The following RBFOX1 variants were observed in gnomAD, a reference collection of about 807,000 sequenced individuals.
The protein encoded by RBFOX1 is RNA binding fox-1 homolog 1.
In RBFOX1, 8 loss-of-function variants were observed where a neutral mutation model predicts 57.7. The observed-to-expected ratio is 0.14, with a 90% CI of 0.08 to 0.25. RBFOX1 has a LOEUF of 0.25. Ranked by LOEUF, RBFOX1 falls within the 10% of genes least tolerant of loss-of-function variation. RBFOX1 has a pLI of 1.00. For missense variants in RBFOX1, 611 were observed against 548.5 expected, an observed-to-expected ratio of 1.11 and a Z score of -1.14; for synonymous variants, 326 against 222.4, an observed-to-expected ratio of 1.47 and a Z score of -4.15.
downstream of RBFOX1, among the ~76,000 whole-genome samples, chr16:5,603,064 G>A (rs963167036): frequency 1.3e-5 from 2 of 152,122 alleles, no homozygotes; most frequent in Non-Finnish European, 2.9e-5. Flanking sequence ...CCAGGCCATG[G>A]CATCTCACCG....
intron 1 of RBFOX1, among the ~76,000 whole-genome samples, chr16:6,105,068 C>T (rs1000928200): frequency 2.0e-4 from 31 of 152,138 alleles, no homozygotes; most frequent in African/African-American, 7.2e-4. Flanking sequence ...GGAAGAAATT[C>T]AGAAGCCAAG....
At chr16:7,379,488 C>T (rs1222399048) in intron 4 of RBFOX1, among the ~76,000 whole-genome samples, 2 of 152,198 alleles carry the variant, frequency 1.3e-5, no homozygotes, top group African/African-American at 2.4e-5. Flanking sequence ...GCCATTATGA[C>T]TGTGGATAAT....
intron 2 of RBFOX1, among the ~76,000 whole-genome samples, chr16:6,513,573 A>C (rs1271470436): frequency 2.6e-5 from 4 of 152,156 alleles, no homozygotes; most frequent in South Asian, 2.1e-4. Flanking sequence ...GTCTCTACTA[A>C]AAATACAAAA....
chr16:6,223,741 A>T (rs2097394955), intron 1 of RBFOX1, among the ~76,000 whole-genome samples: 1 of 152,080 alleles, frequency 6.6e-6, no homozygotes, highest in Non-Finnish European at 1.5e-5. Context: ...TTTTGTTGCC[A>T]TTGCTTTTGG....
At chr16:7,482,361 G>T (rs12448638) in intron 4 of RBFOX1, among the ~76,000 whole-genome samples, 6 of 151,788 alleles carry the variant, frequency 4.0e-5, no homozygotes, top group Admixed American at 1.3e-4. Context: ...GCTCAAAGAG[G>T]CTTGTTCAGT....
At chr16:6,508,494 C>A (rs188103665) in intron 2 of RBFOX1, among the ~76,000 whole-genome samples, 156 of 152,214 alleles carry the variant, frequency 1.0e-3, no homozygotes, top group African/African-American at 3.6e-3. Flanking sequence ...CATAATTCAG[C>A]TAATCCCTTA....
At chr16:7,626,451 G>A (rs1049563698) in intron 10 of RBFOX1, among the ~76,000 whole-genome samples, 2 of 152,176 alleles carry the variant, frequency 1.3e-5, no homozygotes, top group Non-Finnish European at 2.9e-5. Context: ...GCCAGGTTGT[G>A]GGGATGCCGA....
In RBFOX1 at chr16:6,496,994, A is replaced by G. The variant is rs148581024; in HGVS notation, c.-63-157609A>G. On this transcript the variant is annotated intron_variant, in intron 2 of 15. Coordinates refer to ENST00000550418, the MANE Select transcript of RBFOX1 (RefSeq NM_018723.4). ...AAGACAAAAAGAAAATGCACTAAGT[A>G]TAGTATCTGCCAAGTACTACGAGAG... 4.9e-3 allele frequency among the ~76,000 whole-genome samples: 740 copies of G among 152,160 alleles called. 23 individuals carry two copies. The East Asian group carries it at 0.095, about 20-fold the overall frequency.
intron 2 of RBFOX1, among the ~76,000 whole-genome samples, chr16:5,519,277 C>T (rs1190682459): frequency 1.3e-5 from 2 of 152,166 alleles, no homozygotes; most frequent in African/African-American, 4.8e-5. Flanking sequence ...TATCTGGGCT[C>T]CCATGCTAGC....
chr16:5,525,857 A>G (rs1270940656), intron 2 of RBFOX1, among the ~76,000 whole-genome samples: 2 of 152,054 alleles, frequency 1.3e-5, no homozygotes, highest in Non-Finnish European at 2.9e-5. Flanking sequence ...TGCTGCATGC[A>G]CCAAGTGGCA....
chr16:7,634,001 G>GCA (rs371332989), intron 11 of RBFOX1, among the ~76,000 whole-genome samples: 117 of 151,948 alleles, frequency 7.7e-4, no homozygotes, highest in South Asian at 4.2e-3. Flanking sequence ...AGGCCTGTGC[G>GCA]CACACACACA....
At chr16:7,225,905 A>AATAAATAAATATAT (rs66510060) in intron 4 of RBFOX1, among the ~76,000 whole-genome samples, 8 of 93,744 alleles carry the variant, frequency 8.5e-5, no homozygotes, top group South Asian at 6.5e-4. Context: ...AAGTATAATA[A>AATAAATAAATATAT]ATATATATAT....
At chr16:6,748,381 GT>G (rs1396952280) in intron 3 of RBFOX1, among the ~76,000 whole-genome samples, 2 of 152,024 alleles carry the variant, frequency 1.3e-5, no homozygotes, top group Non-Finnish European at 2.9e-5. Context: ...ATTATTTGGG[GT>G]GGGCACTGTG....
At chr16:7,228,889 C>G (rs1388950415) in intron 4 of RBFOX1, among the ~76,000 whole-genome samples, 1 of 152,090 alleles carries the variant, frequency 6.6e-6, no homozygotes, top group Non-Finnish European at 1.5e-5. Context: ...TTCACGTTAT[C>G]TGTTGCATTT....
At chr16:6,031,864 G>A (rs138254649) in intron 1 of RBFOX1, among the ~76,000 whole-genome samples, 29 of 152,234 alleles carry the variant, frequency 1.9e-4, no homozygotes, top group Admixed American at 1.9e-3. Flanking sequence ...CATTCAGTGA[G>A]TGACAGCATC....
intron 3 of RBFOX1, among the ~76,000 whole-genome samples, chr16:6,968,670 C>T (rs904137239): frequency 1.3e-5 from 2 of 152,114 alleles, no homozygotes; most frequent in Admixed American, 1.3e-4. Context: ...AGGAAGCCCA[C>T]AAGGTGCTGG....
intron 3 of RBFOX1, among the ~76,000 whole-genome samples, chr16:6,963,583 A>G (rs1357572841): frequency 2.6e-5 from 4 of 152,156 alleles, no homozygotes; most frequent in African/African-American, 7.2e-5. Flanking sequence ...GATTTCAACT[A>G]TAGGCCATCC....
In RBFOX1 at chr16:5,827,438, A is replaced by T. The variant is rs550217926; in HGVS notation, c.319-39865A>T. On this transcript the variant is annotated intron_variant, in intron 3 of 19. Coordinates refer to the RBFOX1 transcript ENST00000641259. ...AAAAAAAAAGAAAAGAAAAAGCTGC[A>T]TTGAACAACTCATATTCTACTTCTA... is the stretch of plus-strand genomic sequence containing the variant. 1.3e-3 allele frequency among the ~76,000 whole-genome samples: 197 copies of T among 150,958 alleles called. 2 individuals are homozygous for T. The highest frequency in any genetic ancestry group is 4.4e-3 in the African/African-American group (182 of 41,062).
At chr16:6,912,295 G>A (rs533604361) in intron 3 of RBFOX1, among the ~76,000 whole-genome samples, 1 of 152,140 alleles carries the variant, frequency 6.6e-6, no homozygotes. Context: ...CTCAGCCCCA[G>A]ATTTTCTGAC....
Sources: allele counts gnomAD v4.1 joint callset (sites outside exome capture counted in the v4.1 genomes callset), GRCh38; gene constraint gnomAD v4.1.1; transcripts MANE v1.5; gene names NCBI Gene and HGNC (gene_info 2026-07-23, HGNC 2026-07-21).